FAM135A: variants seen among roughly 807,000 people sequenced by gnomAD.
FAM135A encodes the protein protein FAM135A.
FAM135A carries 79 observed loss-of-function variants against 146.8 expected under a neutral mutation model. The ratio of observed to expected loss-of-function variants is 0.54; its 90% confidence interval spans 0.45 to 0.65. The LOEUF is 0.65. FAM135A is among the 30% of genes least tolerant of loss of function. The pLI, the probability that FAM135A is intolerant of heterozygous loss-of-function variation, is 0.00. For missense variants in FAM135A, 1,623 were observed against 1,758.2 expected (o/e 0.92, Z 1.38); for synonymous variants, 562 against 603.6 (o/e 0.93, Z 1.01).
intron 11 of FAM135A, among the ~76,000 whole-genome samples, chr6:70,495,399 A>G (rs919945955): frequency 1.3e-5 from 2 of 152,168 alleles, no homozygotes; most frequent in Non-Finnish European, 2.9e-5. Flanking sequence ...TAGAGTCACA[A>G]AAGCGAATAG....
rs758532289 is a variant in FAM135A, at chr6:70,477,222, C to A, written c.432C>A (p.Pro144=). The A allele has an allele frequency of 6.2e-7, 1 of 1,613,522 alleles. No homozygotes were observed. The highest frequency in any genetic ancestry group is 8.5e-7 in the Non-Finnish European group (1 of 1,179,752). ...GAACATTGAAGCTGCACTTTAGCCCCCATAGAGGCCTTCATCATCATGTTA... is the reference window on the plus strand; with the variant it reads ...GAACATTGAAGCTGCACTTTAGCCCACATAGAGGCCTTCATCATCATGTTA... ...SSRTLKLHFS[P]HRGLHHHVNV... Residue 144 remains proline, a synonymous_variant, in exon 8 of 22, where the codon CCC becomes CCA. Transcript: ENST00000418814.
intron 4 of FAM135A, among the ~76,000 whole-genome samples, chr6:70,446,009 A>G (rs1277760342): frequency 6.6e-6 from 1 of 152,230 alleles, no homozygotes; most frequent in African/African-American, 2.4e-5. Flanking sequence ...ATCATCATTG[A>G]AATCACAGAG....
intron 4 of FAM135A, among the ~76,000 whole-genome samples, chr6:70,437,350 G>A (rs1773411687): frequency 1.3e-5 from 2 of 151,940 alleles, no homozygotes; most frequent in Admixed American, 1.3e-4. Flanking sequence ...AACAACAAGT[G>A]GGCTTGTTGT....
rs182745179 is a variant in FAM135A, at chr6:70,424,871, G to T, written c.-133-1568G>T. Among the ~76,000 whole-genome samples the T allele has an allele frequency of 8.5e-5, 13 of 152,212 alleles. No homozygotes were observed. The East Asian group carries it at 1.3e-3, about 16-fold the overall frequency. Reference sequence around the variant, plus strand: ...ATTGTTTTATTTCCACATAACAGTGGTTATTAGTATCGTAGTAGTATGTTC... The same window carrying T: ...ATTGTTTTATTTCCACATAACAGTGTTTATTAGTATCGTAGTAGTATGTTC... On this transcript the variant is annotated intron_variant, in intron 2 of 21. Transcript: ENST00000418814.
At chr6:70,478,433 T>C (rs1783036031) in intron 8 of FAM135A, among the ~76,000 whole-genome samples, 1 of 152,156 alleles carries the variant, frequency 6.6e-6, no homozygotes, top group South Asian at 2.1e-4. Context: ...CAAATGATAT[T>C]GGGATGATGC....
intron 11 of FAM135A, among the ~76,000 whole-genome samples, chr6:70,493,367 A>G (rs1040551246): frequency 6.6e-6 from 1 of 152,190 alleles, no homozygotes; most frequent in African/African-American, 2.4e-5. Flanking sequence ...TAAGGTTTGT[A>G]AAGGGGAATT....
At chr6:70,490,425 C>T (rs932672196) in intron 10 of FAM135A, among the ~76,000 whole-genome samples, 2 of 151,976 alleles carry the variant, frequency 1.3e-5, no homozygotes, top group African/African-American at 4.8e-5. Flanking sequence ...TAAATTTGTG[C>T]ACCTCTTTAT....
At chr6:70,413,916 G>T in intron 1 of FAM135A, 1 of 985,364 alleles carries the variant, frequency 1.0e-6, no homozygotes, top group Non-Finnish European at 1.2e-6. Flanking sequence ...TCTGAGGGAG[G>T]CGAGGGGCCG....
chr6:70,448,058 A>G (rs773833353), intron 4 of FAM135A, among the ~76,000 whole-genome samples: 1 of 152,170 alleles, frequency 6.6e-6, no homozygotes, highest in Non-Finnish European at 1.5e-5. Context: ...GGAACTGCCA[A>G]GCCTCTAAAT....
At position 70,556,320 on chromosome 6, in the gene FAM135A, A is replaced by G. The variant is rs575481209; in HGVS notation, c.4229-430A>G. Among the ~76,000 whole-genome samples, 13 of 152,304 alleles carry G rather than the reference A, an allele frequency of 8.5e-5. No individual in the cohort carries two copies. In the South Asian group the frequency reaches 1.2e-3, roughly 15 times the overall value. On this transcript the variant is annotated intron_variant, in intron 20 of 21. Coordinates refer to ENST00000418814, the MANE Select transcript of FAM135A (RefSeq NM_001162529.3). ...AAGCAAGTGTTAAAAATGAAAAGAA[A>G]GTAAAAAGCTTTAAATGATGTACTG...
At chr6:70,524,319 A>T (rs1794242405) in intron 14 of FAM135A, 24 bp from the exon 15 acceptor site, 1 of 1,461,590 alleles carries the variant, frequency 6.8e-7, no homozygotes, top group African/African-American at 1.4e-5. Flanking sequence ...TTTAAACCTG[A>T]ATCTTTTTTT....
chr6:70,497,473 T>C (rs564421511), intron 11 of FAM135A, among the ~76,000 whole-genome samples: 232 of 152,328 alleles, frequency 1.5e-3, no homozygotes, highest in African/African-American at 5.0e-3. Flanking sequence ...CTCTTCCTAT[T>C]TGAATACGTT....
Position 70,555,434 on chromosome 6 carries a change from G to A in FAM135A, c.4229-1316G>A, listed in dbSNP as rs569924608. Reference sequence around the variant, plus strand: ...GCAGCACCACACCTGGCTAATTTTCGTAGAGACAGGATCTCACTTCGTTGC... The same window carrying A: ...GCAGCACCACACCTGGCTAATTTTCATAGAGACAGGATCTCACTTCGTTGC... On this transcript the variant is annotated intron_variant, in intron 20 of 21. Coordinates refer to ENST00000418814, the MANE Select transcript of FAM135A (RefSeq NM_001162529.3). Among the ~76,000 whole-genome samples, 12 of 152,072 alleles carry A rather than the reference G, an allele frequency of 7.9e-5. No individual in the cohort carries two copies. The South Asian group carries it at 1.7e-3, about 21-fold the overall frequency.
chr6:70,523,765 T>G (rs1439184187), intron 13 of FAM135A, among the ~76,000 whole-genome samples: 2 of 152,178 alleles, frequency 1.3e-5, no homozygotes, highest in Non-Finnish European at 2.9e-5. Flanking sequence ...TGTAATTTAA[T>G]AAGTCAATAA....
intron 4 of FAM135A, among the ~76,000 whole-genome samples, chr6:70,447,252 C>G (rs1193070055): frequency 6.6e-6 from 1 of 152,148 alleles, no homozygotes; most frequent in African/African-American, 2.4e-5. Flanking sequence ...TTTATTTGTG[C>G]TTCCAAATCC....
At chr6:70,517,391 C>T (rs1792515305) in intron 12 of FAM135A, among the ~76,000 whole-genome samples, 1 of 148,296 alleles carries the variant, frequency 6.7e-6, no homozygotes. Context: ...ATTAGCCAGG[C>T]ATGGTGGTGT....
intron 11 of FAM135A, among the ~76,000 whole-genome samples, chr6:70,492,192 AAAGAC>A (rs1318113874): frequency 6.6e-6 from 1 of 151,888 alleles, no homozygotes; most frequent in Non-Finnish European, 1.5e-5. Flanking sequence ...AAAAGAATAA[AAAGAC>A]AAGTCAGAGG....
At chr6:70,442,091 T>C (rs1774642071) in intron 4 of FAM135A, among the ~76,000 whole-genome samples, 1 of 152,190 alleles carries the variant, frequency 6.6e-6, no homozygotes, top group Admixed American at 6.5e-5. Flanking sequence ...TTGTGTCTCT[T>C]TTTACTTATA....
intron 21 of FAM135A, 60 bp from the exon 22 acceptor site, chr6:70,559,656 G>GT (rs1801589345): frequency 6.5e-6 from 9 of 1,384,884 alleles, no homozygotes; most frequent in South Asian, 2.9e-5. Context: ...AATTGGCATA[G>GT]TTTTTTTATT....
Sources: gnomAD v4.1 joint callset for allele counts (sites outside exome capture counted in the v4.1 genomes callset) on GRCh38, gnomAD v4.1.1 for gene constraint, MANE v1.5 for transcripts, NCBI Gene and HGNC (gene_info 2026-07-23, HGNC 2026-07-21) for gene names.